Variants in PRTG observed in about 807,000 individuals in gnomAD.
PRTG encodes protogenin, also known as immunoglobulin superfamily, DCC subclass, member 5.
PRTG carries 67 observed loss-of-function variants against 122.5 expected under a neutral mutation model. That is an observed-to-expected ratio of 0.55 (90% CI 0.45 to 0.67). PRTG has a LOEUF of 0.67. PRTG is among the 30% of genes least tolerant of loss of function. The pLI, the probability that PRTG is intolerant of heterozygous loss-of-function variation, is 0.00. For synonymous variants in PRTG, 554 were observed against 501.1 expected (o/e 1.11, Z -1.41); for missense variants, 1,435 against 1,415.4 (o/e 1.01, Z -0.22).
At chr15:55,643,567 G>C (rs1435160006) in intron 11 of PRTG, among the ~76,000 whole-genome samples, 1 of 152,020 alleles carries the variant, frequency 6.6e-6, no homozygotes, top group Non-Finnish European at 1.5e-5. Context: ...TCGAGTAGCT[G>C]AGACTACAGG....
At chr15:55,661,380 A>G (rs1271314556) in intron 11 of PRTG, among the ~76,000 whole-genome samples, 1 of 152,176 alleles carries the variant, frequency 6.6e-6, no homozygotes, top group Non-Finnish European at 1.5e-5. Flanking sequence ...AACAGCAGCA[A>G]CACAGCCACA....
chr15:55,742,523 T>A, intron 1 of PRTG: 7 of 259,926 alleles, frequency 2.7e-5, no homozygotes, highest in Non-Finnish European at 2.2e-5. Context: ...GCCGGGACAA[T>A]GGCGCGAGAA....
intron 11 of PRTG, among the ~76,000 whole-genome samples, chr15:55,668,269 A>T (rs1459794176): frequency 6.6e-6 from 1 of 152,206 alleles, no homozygotes; most frequent in Non-Finnish European, 1.5e-5. Context: ...ATGTTAAACA[A>T]CAGTATTACA....
At chr15:55,622,589 C>T (rs996749574) in intron 18 of PRTG, among the ~76,000 whole-genome samples, 1 of 151,178 alleles carries the variant, frequency 6.6e-6, no homozygotes, top group Non-Finnish European at 1.5e-5. Context: ...GACGGGGTTT[C>T]ACCATGTTAG....
chr15:55,624,202 C>G (rs2059181738), intron 18 of PRTG, 140 bp downstream of exon 18: 1 of 674,480 alleles, frequency 1.5e-6, no homozygotes, highest in African/African-American at 1.8e-5. Context: ...AAGGAATGAT[C>G]TCGGTAAAAT....
rs377426620 is a variant in PRTG at position 55,620,001 on chromosome 15, C to T, written c.*11G>A. 39 of 1,613,558 alleles carry T rather than the reference C, an allele frequency of 2.4e-5. No individual in the cohort carries two copies. Among genetic ancestry groups the T allele is most frequent in the Non-Finnish European group, 3.2e-5 (38 of 1,179,726 alleles). ...GCGGAATCTCCACCTGAATCACTGC[C>T]AGTGAAAGAATCAGAGGTTGGGGGG... On this transcript the variant is annotated 3_prime_UTR_variant, in exon 20 of 20. Coordinates refer to ENST00000389286, the MANE Select transcript of PRTG (RefSeq NM_173814.6).
At chr15:55,709,237 T>A (rs1486896919) in intron 2 of PRTG, among the ~76,000 whole-genome samples, 1 of 144,944 alleles carries the variant, frequency 6.9e-6, no homozygotes, top group Non-Finnish European at 1.5e-5. Flanking sequence ...TTTATGGCCG[T>A]AATTATGAGT....
At chr15:55,657,436 A>G (rs2059386466) in intron 11 of PRTG, among the ~76,000 whole-genome samples, 2 of 152,188 alleles carry the variant, frequency 1.3e-5, no homozygotes, top group African/African-American at 4.8e-5. Context: ...TTCCTCCACT[A>G]ATATCTCTAG....
Position 55,729,942 on chromosome 15 carries a change from C to T in PRTG, c.397+10440G>A, listed in dbSNP as rs1052190767. On this transcript the variant is annotated intron_variant, in intron 2 of 19. Transcript: ENST00000389286. ...ACACAAGAAAAGAAATTCCATGAAG[C>T]GTTACAGGACAGCTGAAAATAGAAA... 3.3e-5 allele frequency among the ~76,000 whole-genome samples: 5 copies of T among 152,204 alleles called. 1 individual carries two copies. The highest frequency in any genetic ancestry group is 1.3e-4 in the Admixed American group (2 of 15,278).
At position 55,679,390 on chromosome 15, in the gene PRTG, A is replaced by G; in HGVS notation, c.1029T>C (p.Thr343=). Residue 343 remains threonine, a synonymous_variant, in exon 7 of 20, where the codon ACT becomes ACC. Transcript: ENST00000389286. The part of the protein sequence containing the change: ...PESLTRPRAG[T]ARFVCQAEGI... ...CTTCTGCCTGACACACAAATCGAGC[A>G]GTGCCAGCTCGAGGCCTTGTTAAAC... The G allele has an allele frequency of 6.2e-7, 1 of 1,612,954 alleles. No homozygotes were observed.
At chr15:55,735,917 A>G (rs2031396782) in intron 2 of PRTG, among the ~76,000 whole-genome samples, 1 of 152,178 alleles carries the variant, frequency 6.6e-6, no homozygotes, top group Non-Finnish European at 1.5e-5. Flanking sequence ...ATTCTAAAAA[A>G]GCCTGTAGAA....
intron 6 of PRTG, 46 bp downstream of exon 6, chr15:55,680,008 T>C (rs2059527969): frequency 6.6e-7 from 1 of 1,521,844 alleles, no homozygotes. Flanking sequence ...AAACGGCAAA[T>C]GTTAAAATGT....
At chr15:55,736,558 T>C (rs2031419474) in intron 2 of PRTG, among the ~76,000 whole-genome samples, 1 of 152,160 alleles carries the variant, frequency 6.6e-6, no homozygotes, top group African/African-American at 2.4e-5. Context: ...AATTGATGTA[T>C]GTTTTTATTA....
At chr15:55,697,611 C>T (rs529083211) in intron 2 of PRTG, among the ~76,000 whole-genome samples, 2 of 152,114 alleles carry the variant, frequency 1.3e-5, no homozygotes, top group Non-Finnish European at 2.9e-5. Context: ...CATGCCTCAG[C>T]CTCCCAAGTA....
rs1468018351 is a variant in PRTG, at chr15:55,616,470, A to T, written c.*3542T>A. ...TTCAGAGGTACCATAATACTCTGCA[A>T]CATAAAAGCTTGCTGATATTTCTGT... On this transcript the variant is annotated 3_prime_UTR_variant, in exon 20 of 20. Transcript: ENST00000389286. 6.6e-6 allele frequency: 1 copy of T among 152,162 alleles called. No individual in the cohort carries two copies. The highest frequency in any genetic ancestry group is 1.5e-5 in the Non-Finnish European group (1 of 67,984). The allele number at this position is 152,162 out of a possible 1,614,324, so 9.4% of individuals were successfully genotyped here.
At chr15:55,648,899 C>T (rs1350088859) in intron 11 of PRTG, among the ~76,000 whole-genome samples, 1 of 151,692 alleles carries the variant, frequency 6.6e-6, no homozygotes, top group Non-Finnish European at 1.5e-5. Context: ...GAGTTTGAGA[C>T]CAGCCTGGCC....
chr15:55,638,515 A>T, intron 14 of PRTG, 34 bp downstream of exon 14: 3 of 1,523,040 alleles, frequency 2.0e-6, no homozygotes, highest in South Asian at 1.2e-5. Context: ...AATTTTTTTT[A>T]AAGATAAAAT....
chr15:55,646,010 T>C (rs1001848275), intron 11 of PRTG, among the ~76,000 whole-genome samples: 2 of 152,040 alleles, frequency 1.3e-5, no homozygotes, highest in African/African-American at 2.4e-5. Context: ...TATTATTTAT[T>C]ATTTTTTATT....
At chr15:55,641,013 C>A in intron 12 of PRTG, 100 bp downstream of exon 12, 1 of 834,064 alleles carries the variant, frequency 1.2e-6, no homozygotes, top group South Asian at 1.5e-5. Context: ...AATTAAGCCA[C>A]CAAAGCTTCC....
Sources: gnomAD v4.1 joint callset for allele counts (sites outside exome capture counted in the v4.1 genomes callset) on GRCh38, gnomAD v4.1.1 for gene constraint, MANE v1.5 for transcripts, NCBI Gene and HGNC (gene_info 2026-07-23, HGNC 2026-07-21) for gene names.